Variants in FREM1 observed in about 807,000 individuals in gnomAD.
FREM1 encodes FRAS1 related extracellular matrix 1.
In FREM1, 220 loss-of-function variants were observed where a neutral mutation model predicts 210.1. That is an observed-to-expected ratio of 1.05 (90% CI 0.94 to 1.17). FREM1 has a LOEUF of 1.17. FREM1 is among the 50% of genes most tolerant of loss of function. The probability of loss-of-function intolerance (pLI) is 0.00; values close to 1 mark genes in which losing one functional copy is unlikely to be tolerated. For synonymous variants in FREM1, 1,189 were observed against 980.2 expected, an observed-to-expected ratio of 1.21 and a Z score of -3.98; for missense variants, 3,454 against 2,675.5, an observed-to-expected ratio of 1.29 and a Z score of -6.42.
rs1384664476 is a variant in FREM1, at chr9:14,747,297, C to T, written c.5976G>A (p.Val1992=). The change falls in exon 33 of 37, where the codon GTG becomes GTA. Residue 1992 remains valine, a synonymous_variant. Coordinates refer to ENST00000380880, the MANE Select transcript of FREM1 (RefSeq NM_001379081.2). ...GGAAGTGTGAGTCAGTTGTGGATTCCACCTTATCTGCTTGAGGCAGTTCTG... is the reference window on the plus strand; with the variant it reads ...GGAAGTGTGAGTCAGTTGTGGATTCTACCTTATCTGCTTGAGGCAGTTCTG... The part of the protein sequence containing the change: ...KVAELPQADK[V]ESTTDSHFPR... 3.7e-6 allele frequency: 6 copies of T among 1,613,314 alleles called. No individual in the cohort carries two copies. The highest frequency in any genetic ancestry group is 1.6e-4 in the Middle Eastern group (1 of 6,082).
rs1355241456 is a variant in FREM1 at position 14,857,728 on chromosome 9, C to T, written c.653G>A (p.Cys218Tyr). ...PESQLRAKLKCPGGSCTPGLK... is the reference protein window; with the variant it reads ...PESQLRAKLKYPGGSCTPGLK... Reference sequence around the variant, plus strand: ...TCCTGGGGTACAGCTCCCACCTGGACACTTCAGTTTTGCTCTCAGTTCTAG... The same window carrying T: ...TCCTGGGGTACAGCTCCCACCTGGATACTTCAGTTTTGCTCTCAGTTCTAG... The change falls in exon 5 of 37, where the codon TGT (cysteine) becomes TAT (tyrosine). Residue 218 changes from cysteine to tyrosine, a missense_variant. Physicochemically the swap from Cys to Tyr is radical, Grantham distance 194 (BLOSUM62 -2). Coordinates refer to ENST00000380880, the MANE Select transcript of FREM1 (RefSeq NM_001379081.2). The T allele has an allele frequency of 6.2e-7, 1 of 1,607,324 alleles. No homozygotes were observed. Among genetic ancestry groups the T allele is most frequent in the East Asian group, 2.2e-5 (1 of 44,846 alleles).
At position 14,842,528 on chromosome 9, in the gene FREM1, T is replaced by C. The variant is rs770146479; in HGVS notation, c.1526A>G (p.Lys509Arg). The stretch of plus-strand genomic sequence containing the variant: ...TTTGGGCAAGACGTTGATGGGGAAT[T>C]TGTGACGGATGCTGTGATGGCCATC... ...IFDGHHSIRH[K>R]FPINVLPKDD... Residue 509 changes from lysine to arginine, a missense_variant, in exon 9 of 37, where the codon AAA becomes AGA. By Grantham distance (26) the Lys-to-Arg change is conservative. Coordinates refer to ENST00000380880, the MANE Select transcript of FREM1 (RefSeq NM_001379081.2). 3.1e-6 allele frequency: 5 copies of C among 1,613,982 alleles called. No individual in the cohort carries two copies. Among genetic ancestry groups the C allele is most frequent in the Non-Finnish European group, 3.4e-6 (4 of 1,179,874 alleles).
chr9:14,749,421 A>G (rs552025278), intron 30 of FREM1, among the ~76,000 whole-genome samples: 2 of 152,284 alleles, frequency 1.3e-5, no homozygotes, highest in African/African-American at 4.8e-5. Flanking sequence ...CCAGGCAAGA[A>G]AAAAATATGG....
Position 14,737,250 on chromosome 9 carries a change from T to C in FREM1, c.*146A>G. 2 of 571,460 alleles carry C rather than the reference T, an allele frequency of 3.5e-6. No individual in the cohort carries two copies. Among genetic ancestry groups the C allele is most frequent in the South Asian group, 2.9e-5 (1 of 34,634 alleles). The allele number at this position is 571,460 out of a possible 1,614,324, so 35.4% of individuals were successfully genotyped here. A position where few individuals can be genotyped will look rare whatever the true frequency, so the allele number is the denominator to read the frequency against. On this transcript the variant is annotated 3_prime_UTR_variant, in exon 37 of 37. Transcript: ENST00000380880. ...TTATTTATCAATCTTTCTGGCACTATTAAAAATGTCCCATTTTCACTAGAC... is the reference window on the plus strand; with the variant it reads ...TTATTTATCAATCTTTCTGGCACTACTAAAAATGTCCCATTTTCACTAGAC...
chr9:14,901,300 T>C lies in FREM1; in HGVS notation c.-268+8614A>G, dbSNP rs568592413. Among the ~76,000 whole-genome samples, 76 of 152,344 alleles carry C rather than the reference T, an allele frequency of 5.0e-4. 1 individual carries two copies. Among genetic ancestry groups the C allele is most frequent in the African/African-American group, 1.8e-3 (74 of 41,590 alleles). ...AGAAAAATTTAAACCTTCTGATCTGTAAATTAAAAGTCTCTCAAATCATTC... is the reference window on the plus strand; with the variant it reads ...AGAAAAATTTAAACCTTCTGATCTGCAAATTAAAAGTCTCTCAAATCATTC... On this transcript the variant is annotated intron_variant, in intron 1 of 36. Coordinates refer to ENST00000380880, the MANE Select transcript of FREM1 (RefSeq NM_001379081.2).
upstream of FREM1, chr9:14,910,637 C>A (rs6474871): frequency 0.66 from 100,047 of 152,386 alleles, 33,040 homozygotes; most frequent in African/African-American, 0.7. Context: ...AGGCAAATGC[C>A]TTCACATGCA....
At chr9:14,792,691 GATT>G in intron 22 of FREM1, 49 bp downstream of exon 22, 1 of 1,400,884 alleles carries the variant, frequency 7.1e-7, no homozygotes, top group African/African-American at 1.4e-5. Flanking sequence ...ATATTGAGAA[GATT>G]TATACCTGCT....
chr9:14,820,584 G>A (rs1028806760), intron 13 of FREM1, among the ~76,000 whole-genome samples: 2 of 152,214 alleles, frequency 1.3e-5, no homozygotes, highest in African/African-American at 4.8e-5. Context: ...TGGACACCAC[G>A]GCACAGTGCT....
intron 1 of FREM1, among the ~76,000 whole-genome samples, chr9:14,891,536 G>A (rs1182474234): frequency 6.6e-6 from 1 of 152,150 alleles, no homozygotes; most frequent in Non-Finnish European, 1.5e-5. Flanking sequence ...AGGCCAGTCT[G>A]GGCAACACAG....
chr9:14,845,415 C>T (rs1826420362), intron 8 of FREM1, among the ~76,000 whole-genome samples: 2 of 152,140 alleles, frequency 1.3e-5, no homozygotes, highest in South Asian at 4.1e-4. Context: ...AGCAATTCTC[C>T]TGTCTCAGCC....
chr9:14,762,230 G>C (rs539780620), intron 27 of FREM1, among the ~76,000 whole-genome samples: 28 of 152,308 alleles, frequency 1.8e-4, no homozygotes, highest in African/African-American at 6.5e-4. Flanking sequence ...GGGGAAAAGA[G>C]AGAAAGATGA....
At chr9:14,837,017 C>T (rs992305641) in intron 10 of FREM1, among the ~76,000 whole-genome samples, 1 of 152,324 alleles carries the variant, frequency 6.6e-6, no homozygotes, top group Admixed American at 6.5e-5. Context: ...GGTGGGCAAC[C>T]TTTGATATGC....
In FREM1 at chr9:14,868,939, C is replaced by T; in HGVS notation, c.39G>A (p.Leu13=). ...SLSWGAANAV[L]LLLLLAWASP... is the part of the protein sequence containing the mutation. ...TGGCCCAGGCCAGGAGGAGCAGCAG[C>T]AGCACGGCATTCGCAGCCCCCCAAC... Residue 13 remains leucine, a synonymous_variant, in exon 2 of 37, where the codon CTG becomes CTA. Coordinates refer to ENST00000380880, the MANE Select transcript of FREM1 (RefSeq NM_001379081.2). 2 of 1,599,444 alleles carry T rather than the reference C, an allele frequency of 1.3e-6. No individual in the cohort carries two copies. Among genetic ancestry groups the T allele is most frequent in the Middle Eastern group, 2.1e-4 (1 of 4,814 alleles).
At chr9:14,802,621 A>G (rs1817495837) in intron 19 of FREM1, among the ~76,000 whole-genome samples, 1 of 152,244 alleles carries the variant, frequency 6.6e-6, no homozygotes, top group Admixed American at 6.5e-5. Context: ...ACTTGACAAT[A>G]TGTTACTTAG....
rs2642404 is a variant in FREM1 at position 14,846,124 on chromosome 9, C to G, written c.1262-33G>C. The G allele has an allele frequency of 0.8, 1,229,920 of 1,531,996 alleles. 495,980 individuals are homozygous for G. The highest frequency in any genetic ancestry group is 0.97 in the East Asian group (39,668 of 40,828). 94.9% of individuals were successfully genotyped at this position (1,531,996 alleles called of 1,614,324 possible). A position where few individuals can be genotyped will look rare whatever the true frequency, so the allele number is the denominator to read the frequency against. Reference sequence around the variant, plus strand: ...AGAAAGGAGAAAAGGGTGTTGGTATCATAGACTGGATAAAGAAAATGAGGC... The same window carrying G: ...AGAAAGGAGAAAAGGGTGTTGGTATGATAGACTGGATAAAGAAAATGAGGC... On this transcript the variant is annotated intron_variant, in intron 7 of 36. Transcript: ENST00000380880.
rs576173122 is a variant in FREM1, at chr9:14,807,709, G to A, written c.3088+231C>T. Among the ~76,000 whole-genome samples, 6 of 151,172 alleles carry A rather than the reference G, an allele frequency of 4.0e-5. No homozygotes were observed. In the East Asian group the frequency reaches 9.7e-4, roughly 25 times the overall value. On this transcript the variant is annotated intron_variant, in intron 17 of 36. Coordinates refer to ENST00000380880, the MANE Select transcript of FREM1 (RefSeq NM_001379081.2). Reference sequence around the variant, plus strand: ...CACACACACACACACCCCAACACACGTATTCTCTCTCCATACAGAAATATT... The same window carrying A: ...CACACACACACACACCCCAACACACATATTCTCTCTCCATACAGAAATATT...
At chr9:14,801,044 T>C (rs1489936335) in intron 20 of FREM1, among the ~76,000 whole-genome samples, 6 of 152,112 alleles carry the variant, frequency 3.9e-5, no homozygotes, top group African/African-American at 1.4e-4. Context: ...AGGCTGGAAG[T>C]CTGGAGTGCA....
rs1169587136 is a variant in FREM1, at chr9:14,861,061, AC to A, written c.330-1578del. 2.6e-4 allele frequency among the ~76,000 whole-genome samples: 19 copies of A among 73,836 alleles called. 2 individuals are homozygous for A. The highest frequency in any genetic ancestry group is 1.3e-3 in the African/African-American group (17 of 13,498). The allele number at this position is 73,836 out of a possible 152,430, so 48.4% of individuals were successfully genotyped here. A position where few individuals can be genotyped will look rare whatever the true frequency, so the allele number is the denominator to read the frequency against. ...TACATATATACATATATACATATATACACATATACATATATACATATATACA... is the reference window on the plus strand; with the variant it reads ...TACATATATACATATATACATATATAACATATACATATATACATATATACA... On this transcript the variant is annotated intron_variant, in intron 3 of 36. Transcript: ENST00000380880.
chr9:14,808,379 G>C (rs570833467), intron 16 of FREM1, among the ~76,000 whole-genome samples: 1 of 152,274 alleles, frequency 6.6e-6, no homozygotes, highest in Non-Finnish European at 1.5e-5. Context: ...GATAAGGAGG[G>C]ACAAAACTGG....
Sources: gnomAD v4.1 joint callset for allele counts (sites outside exome capture counted in the v4.1 genomes callset) on GRCh38, gnomAD v4.1.1 for gene constraint, MANE v1.5 for transcripts, NCBI Gene and HGNC (gene_info 2026-07-23, HGNC 2026-07-21) for gene names.